CLSTN1: variants seen among roughly 807,000 people sequenced by gnomAD.
The protein encoded by CLSTN1 is calsyntenin 1, also known as calsyntenin-1.
CLSTN1 carries 28 observed loss-of-function variants against 108.3 expected under a neutral mutation model. That is an observed-to-expected ratio of 0.26 (90% confidence interval 0.19 to 0.35). CLSTN1 has a LOEUF of 0.35. Ranked by LOEUF, CLSTN1 falls within the 10% of genes least tolerant of loss-of-function variation. CLSTN1 has a pLI of 1.00. For missense variants in CLSTN1, 1,157 were observed against 1,302.6 expected (o/e 0.89, Z 1.72); for synonymous variants, 524 against 534.9 (o/e 0.98, Z 0.28).
At chr1:9,808,932 T>C (rs2101307046) in intron 1 of CLSTN1, among the ~76,000 whole-genome samples, 1 of 151,932 alleles carries the variant, frequency 6.6e-6, no homozygotes. Context: ...ATTCTAGATA[T>C]AACAGAAACT....
At chr1:9,787,387 A>G (rs1032023285) in intron 1 of CLSTN1, among the ~76,000 whole-genome samples, 11 of 151,100 alleles carry the variant, frequency 7.3e-5, no homozygotes, top group Admixed American at 6.1e-4. Flanking sequence ...TTGAAAGCTT[A>G]AAGTGAGCCT....
At chr1:9,740,927 T>C (rs1451344819) in intron 10 of CLSTN1, among the ~76,000 whole-genome samples, 167 bp downstream of exon 10, 1 of 151,526 alleles carries the variant, frequency 6.6e-6, no homozygotes, top group Non-Finnish European at 1.5e-5. Context: ...CTAGCTAGAG[T>C]GGGGTAACGG....
At chr1:9,793,381 C>A (rs1209214572) in intron 1 of CLSTN1, among the ~76,000 whole-genome samples, 1 of 151,450 alleles carries the variant, frequency 6.6e-6, no homozygotes, top group Non-Finnish European at 1.5e-5. Flanking sequence ...CCCCATCCAT[C>A]CACGGCAGCT....
In CLSTN1 at chr1:9,820,572, T is replaced by G. The variant is rs80137653; in HGVS notation, c.91+3071A>C. On this transcript the variant is annotated intron_variant, in intron 1 of 18. Transcript: ENST00000377298. Reference sequence around the variant, plus strand: ...TAAGTTTGCTTTACACTATGTAATTTTTTTCAGTATATAGCATTTATCTGT... The same window carrying G: ...TAAGTTTGCTTTACACTATGTAATTGTTTTCAGTATATAGCATTTATCTGT... Among the ~76,000 whole-genome samples, 870 of 152,270 alleles carry G rather than the reference T, an allele frequency of 5.7e-3. 9 individuals are homozygous for G. Among genetic ancestry groups the G allele is most frequent in the Middle Eastern group, 0.02 (6 of 294 alleles).
At position 9,761,506 on chromosome 1, in the gene CLSTN1, TTTTTTTAAAAA is replaced by T. The variant is rs200582685; in HGVS notation, c.215-5007_215-4997del. On this transcript the variant is annotated intron_variant, in intron 2 of 18. Coordinates refer to ENST00000377298, the MANE Select transcript of CLSTN1 (RefSeq NM_001009566.3). ...GACGGAGTGAGACCATGTCTAAAAA[TTTTTTTAAAAA>T]TTTTTTTAAGGAATTTTTAAAGCAA... is the stretch of plus-strand genomic sequence containing the variant. 4.3e-3 allele frequency among the ~76,000 whole-genome samples: 658 copies of T among 152,196 alleles called. 11 individuals carry two copies. Among genetic ancestry groups the T allele is most frequent in the East Asian group, 0.043 (220 of 5,176 alleles).
chr1:9,731,177 A>C (rs1473533173), intron 18 of CLSTN1, 29 bp downstream of exon 18: 1 of 1,613,612 alleles, frequency 6.2e-7, no homozygotes. Context: ...GCTGCCTCTC[A>C]GTCCTGGAGG....
rs1655285215 is a variant in CLSTN1 at position 9,823,753 on chromosome 1, C to G, written c.-20G>C. The G allele has an allele frequency of 2.9e-6, 3 of 1,028,732 alleles. No individual in the cohort carries two copies. The highest frequency in any genetic ancestry group is 3.5e-5 in the African/African-American group (2 of 57,730). The allele number at this position is 1,028,732 out of a possible 1,614,324, so 63.7% of individuals were successfully genotyped here. A position where few individuals can be genotyped will look rare whatever the true frequency, so the allele number is the denominator to read the frequency against. On this transcript the variant is annotated 5_prime_UTR_variant, in exon 1 of 19. Coordinates refer to ENST00000377298, the MANE Select transcript of CLSTN1 (RefSeq NM_001009566.3). The surrounding 1 kb of genome is among the most constrained non-coding windows in gnomAD (Gnocchi z 6.3). ...CAGCATCGCCAGCCCGGGGCGGGAG[C>G]GGCAGGGAGGCGCGCGGGACGCCGA...
At chr1:9,773,476 C>CT in intron 1 of CLSTN1, 82 bp from the exon 2 acceptor site, 1 of 1,384,612 alleles carries the variant, frequency 7.2e-7, no homozygotes, top group Non-Finnish European at 9.7e-7. Flanking sequence ...CACACACCTG[C>CT]TATTAAAATA....
intron 9 of CLSTN1, among the ~76,000 whole-genome samples, chr1:9,742,919 A>G (rs72871231): frequency 0.018 from 2,739 of 152,196 alleles, 76 homozygotes; most frequent in African/African-American, 0.062. Context: ...GGAAAAAAAA[A>G]AGAGACAAAT....
chr1:9,761,449 TGCCACTGCACTCCA>T, intron 2 of CLSTN1, among the ~76,000 whole-genome samples: 1 of 152,294 alleles, frequency 6.6e-6, no homozygotes, highest in South Asian at 2.1e-4. Flanking sequence ...GCCATTATCA[TGCCACTGCACTCCA>T]GCCTCTGTAC....
intron 1 of CLSTN1, chr1:9,781,193 C>T (rs1040940226): frequency 3.8e-6 from 3 of 791,208 alleles, no homozygotes; most frequent in African/African-American, 3.4e-5. Flanking sequence ...TAAGGAGCTT[C>T]GCAAGGCTAC....
At chr1:9,769,073 G>A (rs1652534173) in intron 2 of CLSTN1, among the ~76,000 whole-genome samples, 1 of 146,488 alleles carries the variant, frequency 6.8e-6, no homozygotes, top group Non-Finnish European at 1.5e-5. Context: ...GAGGGAGAGA[G>A]GAAGGAAAGG....
At chr1:9,769,612 A>C (rs1268736398) in intron 2 of CLSTN1, among the ~76,000 whole-genome samples, 2 of 152,194 alleles carry the variant, frequency 1.3e-5, no homozygotes, top group Non-Finnish European at 2.9e-5. Context: ...TTGGGAGTGA[A>C]GGAGACTGAG....
In CLSTN1 at chr1:9,732,042, G is replaced by A. The variant is rs552638549; in HGVS notation, c.2428-146C>T. 45 of 637,828 alleles carry A rather than the reference G, an allele frequency of 7.1e-5. No individual in the cohort carries two copies. The South Asian group carries it at 7.5e-4, about 11-fold the overall frequency. 39.5% of individuals were successfully genotyped at this position (637,828 alleles called of 1,614,324 possible). ...GGGGGCAAACGGAGCTACGGGAAAAGGACAGAAAAAAAAATCAAGAGTAAG... is the reference window on the plus strand; with the variant it reads ...GGGGGCAAACGGAGCTACGGGAAAAAGACAGAAAAAAAAATCAAGAGTAAG... On this transcript the variant is annotated intron_variant, in intron 16 of 18. Transcript: ENST00000377298.
rs1447719003 is a variant in CLSTN1 at position 9,735,901 on chromosome 1, C to G, written c.1718G>C (p.Ser573Thr). 6.2e-7 allele frequency: 1 copy of G among 1,614,136 alleles called. No homozygotes were observed. The highest frequency in any genetic ancestry group is 2.2e-5 in the East Asian group (1 of 44,880). The part of the protein sequence containing the change: ...EGLDLQVLED[S>T]GRGVQIQAHP... ...CGGTGTTACCTGCACGCCTCTGCCA[C>G]TGTCTTCGAGGACCTGCAGGTCCAG... The change falls in exon 12 of 19, where the codon AGT becomes ACT. Residue 573 changes from serine (S) to threonine (T), a missense_variant. Transcript: ENST00000377298.
rs141151204 is a variant in CLSTN1, at chr1:9,773,288, C to T, written c.198G>A (p.Ala66=). The T allele has an allele frequency of 1.2e-5, 19 of 1,613,918 alleles. No individual in the cohort carries two copies. In the African/African-American group the frequency reaches 1.9e-4, roughly 16 times the overall value. Residue 66 remains alanine (A), a synonymous_variant, in exon 2 of 19, where the codon GCG becomes GCA. Coordinates refer to ENST00000377298, the MANE Select transcript of CLSTN1 (RefSeq NM_001009566.3). ...DPPLIALDKD[A]PLRFAESFEV... is the part of the protein sequence containing the mutation. ...CGTTCCTACCTGCAAATCGCAGAGG[C>T]GCATCTTTATCCAGCGCGATCAGTG... is the stretch of plus-strand genomic sequence containing the variant.
At chr1:9,741,283 G>A (rs10864436) in intron 9 of CLSTN1, 27 bp from the exon 10 acceptor site, 163,942 of 1,585,118 alleles carry the variant, frequency 0.1, 11,621 homozygotes, top group South Asian at 0.29. Flanking sequence ...AAGCGGGGAG[G>A]TGTGAGATGT....
intron 1 of CLSTN1, among the ~76,000 whole-genome samples, chr1:9,774,666 T>C (rs1445530833): frequency 6.6e-6 from 1 of 152,052 alleles, no homozygotes; most frequent in African/African-American, 2.4e-5. Context: ...ATTAACTTAC[T>C]GCCGGAAAAG....
intron 18 of CLSTN1, 74 bp downstream of exon 18, chr1:9,731,132 C>T (rs779165076): frequency 5.1e-5 from 79 of 1,561,338 alleles, no homozygotes; most frequent in Admixed American, 3.5e-4. Context: ...CTGAAGGAGC[C>T]GCGCCGTACC....
Sources: allele counts gnomAD v4.1 joint callset (sites outside exome capture counted in the v4.1 genomes callset), GRCh38; gene constraint gnomAD v4.1.1; non-coding constraint Gnocchi (gnomAD v3.1); transcripts MANE v1.5; gene names NCBI Gene and HGNC (gene_info 2026-07-23, HGNC 2026-07-21).